ZHX3: variants seen among roughly 807,000 people sequenced by gnomAD.
The protein encoded by ZHX3 is zinc fingers and homeoboxes 3, also known as zinc fingers and homeoboxes protein 3.
ZHX3 carries 20 observed loss-of-function variants against 64.5 expected under a neutral mutation model. The observed-to-expected ratio is 0.31, with a 90% CI of 0.22 to 0.45. The LOEUF is 0.45. Ranked by LOEUF, ZHX3 falls within the 20% of genes least tolerant of loss-of-function variation. The pLI, the probability that ZHX3 is intolerant of heterozygous loss-of-function variation, is 1.00. For synonymous variants in ZHX3, 423 were observed against 461.6 expected (o/e 0.92, Z 1.07); for missense variants, 1,041 against 1,195.8 (o/e 0.87, Z 1.91).
rs1290561241 is a variant in ZHX3 at position 41,219,176 on chromosome 20, G to A, written c.-150-14110C>T. Reference sequence around the variant, plus strand: ...GATCTCCTGACCTCGTGATCCACACGCCTCCGCCTCCCAAAGTGCTGGGAT... The same window carrying A: ...GATCTCCTGACCTCGTGATCCACACACCTCCGCCTCCCAAAGTGCTGGGAT... On this transcript the variant is annotated intron_variant, in intron 2 of 3. Coordinates refer to ENST00000683867, the MANE Select transcript of ZHX3 (RefSeq NM_001384317.1). The surrounding 1 kb of genome is among the most constrained non-coding windows in gnomAD (Gnocchi z 5.0). Among the ~76,000 whole-genome samples the A allele has an allele frequency of 1.3e-5, 2 of 151,900 alleles. No homozygotes were observed. Among genetic ancestry groups the A allele is most frequent in the African/African-American group, 2.4e-5 (1 of 41,332 alleles).
Position 41,253,688 on chromosome 20 carries a change from A to G in ZHX3, c.-151+15302T>C, listed in dbSNP as rs191617604. 2.0e-4 allele frequency among the ~76,000 whole-genome samples: 30 copies of G among 152,286 alleles called. No homozygotes were observed. The East Asian group carries it at 5.6e-3, about 28-fold the overall frequency. ...GTCAAAACCAGGTCCATATACAGTT[A>G]AGATTTAACTACAATAAAATGCACA... On this transcript the variant is annotated intron_variant, in intron 2 of 3. Transcript: ENST00000683867.
intron 2 of ZHX3, among the ~76,000 whole-genome samples, chr20:41,214,916 C>T (rs2039412274): frequency 6.6e-6 from 1 of 152,156 alleles, no homozygotes; most frequent in African/African-American, 2.4e-5. Context: ...CATTTTTGTA[C>T]AATCCTTTAC....
At chr20:41,269,761 G>GT (rs550022549) in intron 1 of ZHX3, among the ~76,000 whole-genome samples, 44 of 152,062 alleles carry the variant, frequency 2.9e-4, no homozygotes, top group Non-Finnish European at 5.1e-4. Flanking sequence ...CCCAAAGCGA[G>GT]TATACCAGAA....
At chr20:41,192,221 G>A (rs2146144960) in intron 3 of ZHX3, among the ~76,000 whole-genome samples, 1 of 152,314 alleles carries the variant, frequency 6.6e-6, no homozygotes, top group African/African-American at 2.4e-5. Flanking sequence ...CCAACCTCAG[G>A]TACCCAAGAG....
At chr20:41,286,435 C>T (rs981456654) in intron 1 of ZHX3, among the ~76,000 whole-genome samples, 2 of 152,182 alleles carry the variant, frequency 1.3e-5, no homozygotes, top group African/African-American at 4.8e-5. Flanking sequence ...GCACTTTGTT[C>T]CATCGTCTTT....
chr20:41,184,070 G>A lies in ZHX3; in HGVS notation c.*1121C>T, dbSNP rs2036340617. ...CACGGGCACTCTGGGTGTTCTGCCA[G>A]GGATCTCTGCATGCAAGTCTTTGTG... On this transcript the variant is annotated 3_prime_UTR_variant, in exon 4 of 4. Coordinates refer to ENST00000683867, the MANE Select transcript of ZHX3 (RefSeq NM_001384317.1). The A allele has an allele frequency of 6.6e-6, 1 of 152,250 alleles. No individual in the cohort carries two copies. Among genetic ancestry groups the A allele is most frequent in the African/African-American group, 2.4e-5 (1 of 41,450 alleles). The allele number at this position is 152,250 out of a possible 1,614,324, so 9.4% of individuals were successfully genotyped here. A position where few individuals can be genotyped will look rare whatever the true frequency, so the allele number is the denominator to read the frequency against.
chr20:41,234,726 C>A (rs990878288), intron 2 of ZHX3, among the ~76,000 whole-genome samples: 1 of 152,226 alleles, frequency 6.6e-6, no homozygotes, highest in South Asian at 2.1e-4. Context: ...CCCCTTTTTG[C>A]TTTTGACTCC....
chr20:41,229,383 G>A (rs989532404), intron 2 of ZHX3, among the ~76,000 whole-genome samples: 1 of 152,010 alleles, frequency 6.6e-6, no homozygotes, highest in East Asian at 1.9e-4. Flanking sequence ...CAATCTCTTT[G>A]AGTCCCTACT....
chr20:41,277,813 G>A (rs113432098), intron 1 of ZHX3, among the ~76,000 whole-genome samples: 2 of 136,548 alleles, frequency 1.5e-5, no homozygotes, highest in South Asian at 5.3e-4. Context: ...GGATGGTCTC[G>A]ATCTCCTGAC....
intron 1 of ZHX3, among the ~76,000 whole-genome samples, chr20:41,312,005 A>G (rs1466995566): frequency 6.6e-6 from 1 of 152,130 alleles, no homozygotes; most frequent in Non-Finnish European, 1.5e-5. Flanking sequence ...CTATTGGGGG[A>G]GTAGACAATA....
rs1469456450 is a variant in ZHX3, at chr20:41,204,084, GGCT to G, written c.830_832del (p.Gln277del). The G allele has an allele frequency of 6.2e-7, 1 of 1,609,828 alleles. No homozygotes were observed. On this transcript the variant is annotated inframe_deletion, in exon 3 of 4. Coordinates refer to ENST00000683867, the MANE Select transcript of ZHX3 (RefSeq NM_001384317.1). The surrounding 1 kb of genome is among the most constrained non-coding windows in gnomAD (Gnocchi z 6.6). ...GACATGGTGTTGGGCATGCACTGGG[GGCT>G]GCTGCTGGAGGGAGAGGAACTGTGC...
rs1289808682 is a variant in ZHX3, at chr20:41,280,215, G to A, written c.-244-11132C>T. 3.3e-5 allele frequency among the ~76,000 whole-genome samples: 5 copies of A among 152,162 alleles called. No individual in the cohort carries two copies. The East Asian group carries it at 9.6e-4, about 29-fold the overall frequency. On this transcript the variant is annotated intron_variant, in intron 1 of 3. Transcript: ENST00000683867. ...AGAATAATTCCCACTTGTGCTGAGA[G>A]AACCCACTACAGTTACCACTCGGAT... is the stretch of plus-strand genomic sequence containing the variant.
intron 3 of ZHX3, among the ~76,000 whole-genome samples, chr20:41,196,329 TTTTTATTTCA>T (rs2037492528): frequency 9.2e-6 from 1 of 108,988 alleles, no homozygotes; most frequent in African/African-American, 3.5e-5. Context: ...AATAAATATA[TTTTTATTTCA>T]TATATAAATA....
intron 2 of ZHX3, among the ~76,000 whole-genome samples, chr20:41,242,544 AC>A (rs762676890): frequency 4.6e-5 from 7 of 152,226 alleles, no homozygotes; most frequent in Non-Finnish European, 7.3e-5. Context: ...AGCTTTGTGA[AC>A]CCTGTGAACA....
chr20:41,199,309 A>AT (rs1433111658), intron 3 of ZHX3, among the ~76,000 whole-genome samples: 6 of 151,812 alleles, frequency 4.0e-5, no homozygotes, highest in East Asian at 3.9e-4. Context: ...ATGTTTTGTA[A>AT]TTTTTTGTTG....
chr20:41,188,419 T>G (rs1387260637), intron 3 of ZHX3: 4 of 146,742 alleles, frequency 2.7e-5, no homozygotes, highest in African/African-American at 5.1e-5. Context: ...TTTTTTTTTT[T>G]TTTTTGGACA....
chr20:41,286,298 A>G (rs2043933115), intron 1 of ZHX3, among the ~76,000 whole-genome samples: 1 of 152,202 alleles, frequency 6.6e-6, no homozygotes, highest in Admixed American at 6.5e-5. Context: ...GATAAACTTC[A>G]GTCTTTGAAA....
At chr20:41,217,332 A>T (rs1267709297) in intron 2 of ZHX3, among the ~76,000 whole-genome samples, 1 of 152,158 alleles carries the variant, frequency 6.6e-6, no homozygotes, top group East Asian at 1.9e-4. Context: ...TTTGACCATG[A>T]ACTTATAATT....
intron 1 of ZHX3, among the ~76,000 whole-genome samples, chr20:41,273,253 G>A (rs571691440): frequency 6.6e-6 from 1 of 152,028 alleles, no homozygotes; most frequent in Non-Finnish European, 1.5e-5. Context: ...GTTGTTAAGA[G>A]TTTTTCGTTT....
Sources: gnomAD v4.1 joint callset for allele counts (sites outside exome capture counted in the v4.1 genomes callset) on GRCh38, gnomAD v4.1.1 for gene constraint, Gnocchi (gnomAD v3.1) non-coding constraint, MANE v1.5 for transcripts, NCBI Gene and HGNC (gene_info 2026-07-23, HGNC 2026-07-21) for gene names.